Variants in ABLIM2 observed in about 807,000 individuals in gnomAD.
The protein encoded by ABLIM2 is actin binding LIM protein family member 2.
In ABLIM2, 53 loss-of-function variants were observed where a neutral mutation model predicts 97.7. The ratio of observed to expected loss-of-function variants is 0.54; its 90% CI spans 0.44 to 0.68. The LOEUF is 0.68. ABLIM2 is among the 30% of genes least tolerant of loss of function. ABLIM2 has a pLI of 0.00. For missense variants in ABLIM2, 835 were observed against 867.2 expected (o/e 0.96, Z 0.47); for synonymous variants, 361 against 345.8 (o/e 1.04, Z -0.49).
At chr4:8,038,381 A>G (rs1035423991) in intron 9 of ABLIM2, among the ~76,000 whole-genome samples, 1 of 152,158 alleles carries the variant, frequency 6.6e-6, no homozygotes, top group African/African-American at 2.4e-5. Context: ...GCCCAGATGC[A>G]TCCCAGTGGT....
Position 7,999,785 on chromosome 4 carries a change from C to T in ABLIM2, c.1619-6858G>A, listed in dbSNP as rs2150153464. Reference sequence around the variant, plus strand: ...CACCAGAGGCCTACCCACTCCATGCCCAGGCTCAGCCAAACCAGGCTCCTG... The same window carrying T: ...CACCAGAGGCCTACCCACTCCATGCTCAGGCTCAGCCAAACCAGGCTCCTG... On this transcript the variant is annotated intron_variant, in intron 16 of 20. Transcript: ENST00000447017. This position sits in a 1 kb window ranked among gnomAD's most constrained non-coding sequence, Gnocchi z 4.4. Among the ~76,000 whole-genome samples, 1 of 152,282 alleles carries T rather than the reference C, an allele frequency of 6.6e-6. No homozygotes were observed. Among genetic ancestry groups the T allele is most frequent in the African/African-American group, 2.4e-5 (1 of 41,568 alleles).
At chr4:7,984,587 C>T (rs753110387) in intron 18 of ABLIM2, among the ~76,000 whole-genome samples, 2 of 152,272 alleles carry the variant, frequency 1.3e-5, no homozygotes, top group Admixed American at 6.5e-5. Flanking sequence ...GAGTGCCATA[C>T]AATGCAGGAC....
In ABLIM2 at chr4:8,033,561, C is replaced by T. The variant is rs889164984; in HGVS notation, c.1047+2588G>A. Among the ~76,000 whole-genome samples, 7 of 152,194 alleles carry T rather than the reference C, an allele frequency of 4.6e-5. No individual in the cohort carries two copies. The highest frequency in any genetic ancestry group is 4.4e-5 in the Non-Finnish European group (3 of 68,024). On this transcript the variant is annotated intron_variant, in intron 10 of 20. Transcript: ENST00000447017. The surrounding 1 kb of genome is among the most constrained non-coding windows in gnomAD (Gnocchi z 4.5). The stretch of plus-strand genomic sequence containing the variant: ...CCTGCCGAGGCAGGCCCCATGGGGT[C>T]GCACTTTATGGCTGAGAGCGGAAGC...
intron 10 of ABLIM2, among the ~76,000 whole-genome samples, chr4:8,031,693 C>A (rs1447933023): frequency 5.3e-5 from 8 of 151,612 alleles, no homozygotes; most frequent in Admixed American, 3.3e-4. Context: ...GAACTTGCCT[C>A]TGGGTGTCGT....
intron 17 of ABLIM2, among the ~76,000 whole-genome samples, chr4:7,990,627 G>A (rs1560456212): frequency 6.6e-6 from 1 of 152,136 alleles, no homozygotes; most frequent in Non-Finnish European, 1.5e-5. Flanking sequence ...AACCCTTTCT[G>A]GAAGTAAAGG....
At position 8,067,736 on chromosome 4, in the gene ABLIM2, C is replaced by T. The variant is rs1277502895; in HGVS notation, c.676-6682G>A. The T allele has an allele frequency of 2.0e-5, 3 of 152,254 alleles. No individual in the cohort carries two copies. The highest frequency in any genetic ancestry group is 7.2e-5 in the African/African-American group (3 of 41,446). 9.4% of individuals were successfully genotyped at this position (152,254 alleles called of 1,614,324 possible). On this transcript the variant is annotated intron_variant, in intron 6 of 20. Transcript: ENST00000447017. The surrounding 1 kb of genome is among the most constrained non-coding windows in gnomAD (Gnocchi z 5.4). ...GCTCAGGCCTGTCCCAGGCTCGTGGCCAAAGCCATGGAGGTGACAGATTCC... is the reference window on the plus strand; with the variant it reads ...GCTCAGGCCTGTCCCAGGCTCGTGGTCAAAGCCATGGAGGTGACAGATTCC...
At chr4:8,152,350 A>T (rs1406322735) in intron 1 of ABLIM2, among the ~76,000 whole-genome samples, 3 of 150,946 alleles carry the variant, frequency 2.0e-5, no homozygotes, top group East Asian at 4.0e-4. Flanking sequence ...CAGGCACCAG[A>T]CGGGACTCGC....
chr4:8,120,425 G>A lies in ABLIM2; in HGVS notation c.11-13788C>T, dbSNP rs1184205820. 6.6e-6 allele frequency among the ~76,000 whole-genome samples: 1 copy of A among 152,208 alleles called. No individual in the cohort carries two copies. The highest frequency in any genetic ancestry group is 1.5e-5 in the Non-Finnish European group (1 of 68,036). The stretch of plus-strand genomic sequence containing the variant: ...AAATGTGGACACAGAGACAACCCCA[G>A]ACAATCCCCCGTCTGTGTGTTTTGT... On this transcript the variant is annotated intron_variant, in intron 1 of 20. Transcript: ENST00000447017. The surrounding 1 kb of genome is among the most constrained non-coding windows in gnomAD (Gnocchi z 5.6).
chr4:8,057,905 G>A (rs1215816152), intron 7 of ABLIM2, among the ~76,000 whole-genome samples: 2 of 152,218 alleles, frequency 1.3e-5, no homozygotes, highest in Admixed American at 6.5e-5. Context: ...ACCAGGCAGG[G>A]TGGGTGCCCC....
chr4:8,097,900 C>T (rs1044596656), intron 2 of ABLIM2, among the ~76,000 whole-genome samples: 1 of 152,100 alleles, frequency 6.6e-6, no homozygotes, highest in African/African-American at 2.4e-5. Flanking sequence ...CCTGTGGACT[C>T]CTGAAAGGGA....
chr4:8,080,111 C>T (rs984214842), intron 5 of ABLIM2, among the ~76,000 whole-genome samples: 6 of 152,224 alleles, frequency 3.9e-5, no homozygotes, highest in Non-Finnish European at 8.8e-5. Flanking sequence ...GTTCCCAAAT[C>T]GGCCACCACC....
rs2149930524 is a variant in ABLIM2, at chr4:7,992,130, A to C, written c.1680+736T>G. Among the ~76,000 whole-genome samples, 1 of 152,094 alleles carries C rather than the reference A, an allele frequency of 6.6e-6. No individual in the cohort carries two copies. The highest frequency in any genetic ancestry group is 1.9e-4 in the East Asian group (1 of 5,160). Reference sequence around the variant, plus strand: ...GGGACCAGCAAGCCTGCCCCACCCTAAGGATCCTCACTGGGGACCCCTGTG... The same window carrying C: ...GGGACCAGCAAGCCTGCCCCACCCTCAGGATCCTCACTGGGGACCCCTGTG... On this transcript the variant is annotated intron_variant, in intron 17 of 20. Coordinates refer to ENST00000447017, the MANE Select transcript of ABLIM2 (RefSeq NM_001130083.2). The surrounding 1 kb of genome is among the most constrained non-coding windows in gnomAD (Gnocchi z 5.7).
chr4:8,091,818 A>ATAATTAATATATTATATATT (rs1300568021), intron 3 of ABLIM2, among the ~76,000 whole-genome samples: 3 of 63,906 alleles, frequency 4.7e-5, no homozygotes, highest in Non-Finnish European at 6.4e-5. Flanking sequence ...TATATTATAT[A>ATAATTAATATATTATATATT]ATATATTATA....
chr4:8,156,340 C>T (rs1202428771), intron 1 of ABLIM2, among the ~76,000 whole-genome samples: 1 of 152,208 alleles, frequency 6.6e-6, no homozygotes, highest in Non-Finnish European at 1.5e-5. Context: ...GGCCATACTA[C>T]TGGGGAAACT....
At chr4:8,078,446 C>T (rs955249592) in intron 5 of ABLIM2, among the ~76,000 whole-genome samples, 9 of 152,230 alleles carry the variant, frequency 5.9e-5, no homozygotes, top group Admixed American at 2.6e-4. Context: ...AGGCTTCCTC[C>T]GAGTCTCCAT....
rs557064927 is a variant in ABLIM2, at chr4:8,015,702, T to C, written c.1423+3916A>G. Among the ~76,000 whole-genome samples the C allele has an allele frequency of 2.0e-5, 3 of 151,876 alleles. No individual in the cohort carries two copies. Among genetic ancestry groups the C allele is most frequent in the Non-Finnish European group, 1.5e-5 (1 of 67,978 alleles). On this transcript the variant is annotated intron_variant, in intron 14 of 20. Transcript: ENST00000447017. The surrounding 1 kb of genome is among the most constrained non-coding windows in gnomAD (Gnocchi z 4.6). ...CCGGACAAGTGGTGGGAGGTGTGTG[T>C]TGGGGGGTGAGGAGAGAGCTGCATT...
intron 9 of ABLIM2, among the ~76,000 whole-genome samples, chr4:8,037,748 G>A (rs1477306655): frequency 1.3e-5 from 2 of 152,240 alleles, no homozygotes; most frequent in African/African-American, 4.8e-5. Flanking sequence ...CATTTGACAG[G>A]CCAGCTGGGA....
rs1712218666 is a variant in ABLIM2, at chr4:8,150,333, T to C, written c.10+8347A>G. Among the ~76,000 whole-genome samples the C allele has an allele frequency of 6.6e-6, 1 of 151,840 alleles. No individual in the cohort carries two copies. Among genetic ancestry groups the C allele is most frequent in the Admixed American group, 6.6e-5 (1 of 15,228 alleles). ...AGGCCATGCTGAACTGGGGACGGAG[T>C]TCCACCCATCACACATCCTCCACTC... On this transcript the variant is annotated intron_variant, in intron 1 of 20. Transcript: ENST00000447017. This position sits in a 1 kb window ranked among gnomAD's most constrained non-coding sequence, Gnocchi z 6.3.
intron 1 of ABLIM2, among the ~76,000 whole-genome samples, chr4:8,151,881 G>C (rs1428354114): frequency 2.0e-5 from 3 of 151,986 alleles, no homozygotes; most frequent in Non-Finnish European, 4.4e-5. Context: ...TCGGAGCAGA[G>C]GGTCAGGGTT....
Sources: allele counts gnomAD v4.1 joint callset (sites outside exome capture counted in the v4.1 genomes callset), GRCh38; gene constraint gnomAD v4.1.1; non-coding constraint Gnocchi (gnomAD v3.1); transcripts MANE v1.5; gene names NCBI Gene and HGNC (gene_info 2026-07-23, HGNC 2026-07-21).